MAST1: variants seen among roughly 807,000 people sequenced by gnomAD.
MAST1 encodes the protein microtubule associated serine/threonine kinase 1, also known as microtubule-associated serine/threonine-protein kinase 1.
A neutral mutation model predicts 124.6 loss-of-function variants in MAST1; 40 were observed. That is an observed-to-expected ratio of 0.32 (90% CI 0.25 to 0.42). MAST1 has a LOEUF of 0.42. Among genes scored for constraint, MAST1 ranks in the 10% least tolerant of loss-of-function variants. MAST1 has a pLI of 1.00. For missense variants in MAST1, 1,558 were observed against 2,181.9 expected (o/e 0.71, Z 5.70); for synonymous variants, 938 against 939.4 (o/e 1.00, Z 0.03).
Position 12,847,241 on chromosome 19 carries a change from G to A in MAST1, c.328-49G>A, listed in dbSNP as rs1733377108. 7 of 1,362,946 alleles carry A rather than the reference G, an allele frequency of 5.1e-6. No individual in the cohort carries two copies. Among genetic ancestry groups the A allele is most frequent in the Non-Finnish European group, 7.3e-6 (7 of 965,080 alleles). The allele number at this position is 1,362,946 out of a possible 1,614,324, so 84.4% of individuals were successfully genotyped here. A position where few individuals can be genotyped will look rare whatever the true frequency, so the allele number is the denominator to read the frequency against. On this transcript the variant is annotated intron_variant, in intron 4 of 25. Coordinates refer to ENST00000251472, the MANE Select transcript of MAST1 (RefSeq NM_014975.3). This position sits in a 1 kb window ranked among gnomAD's most constrained non-coding sequence, Gnocchi z 5.5. ...GAGTCCCAGCTCAGGGTCCTGAGCTGTTGGGGGGCCCATGGTGGCTCTGAC... is the reference window on the plus strand; with the variant it reads ...GAGTCCCAGCTCAGGGTCCTGAGCTATTGGGGGGCCCATGGTGGCTCTGAC...
At chr19:12,859,258 T>G (rs1210174416) in intron 12 of MAST1, among the ~76,000 whole-genome samples, 1 of 152,114 alleles carries the variant, frequency 6.6e-6, no homozygotes, top group Non-Finnish European at 1.5e-5. Flanking sequence ...TTTTCTATTT[T>G]TAGCAGAGAC....
rs773297761 is a variant in MAST1, at chr19:12,852,023, G to A, written c.864G>A (p.Leu288=). The A allele has an allele frequency of 6.2e-7, 1 of 1,614,076 alleles. No homozygotes were observed. Among genetic ancestry groups the A allele is most frequent in the South Asian group, 1.1e-5 (1 of 91,086 alleles). Reference sequence around the variant, plus strand: ...TTATCATCTCACGCCCTGCGAGGCTGCTGGAGTGCCTGGTGAGGGGGCTGG... The same window carrying A: ...TTATCATCTCACGCCCTGCGAGGCTACTGGAGTGCCTGGTGAGGGGGCTGG... ...LLIIISRPAR[L]LECLEFNPEE... Residue 288 remains leucine (L), a synonymous_variant, in exon 8 of 26, where the codon CTG becomes CTA. Transcript: ENST00000251472.
rs1970160481 is a variant in MAST1, at chr19:12,866,801, G to C, written c.2139+39G>C. ...GGGTGTGGGACAGGGCGAGACCCCAGGAGGGATGGGGCTTGGAGAGACAGT... is the reference window on the plus strand; with the variant it reads ...GGGTGTGGGACAGGGCGAGACCCCACGAGGGATGGGGCTTGGAGAGACAGT... On this transcript the variant is annotated intron_variant, in intron 18 of 25. Coordinates refer to ENST00000251472, the MANE Select transcript of MAST1 (RefSeq NM_014975.3). This position sits in a 1 kb window ranked among gnomAD's most constrained non-coding sequence, Gnocchi z 5.2. 1.3e-6 allele frequency: 2 copies of C among 1,513,338 alleles called. No individual in the cohort carries two copies. Among genetic ancestry groups the C allele is most frequent in the South Asian group, 2.3e-5 (2 of 86,948 alleles). The allele number at this position is 1,513,338 out of a possible 1,614,324, so 93.7% of individuals were successfully genotyped here.
rs113909001 is a variant in MAST1, at chr19:12,851,925, CT to C, written c.775-8del. 8.1e-6 allele frequency: 13 copies of C among 1,609,824 alleles called. No homozygotes were observed. Among genetic ancestry groups the C allele is most frequent in the African/African-American group, 1.3e-5 (1 of 74,998 alleles). Reference sequence around the variant, plus strand: ...TATGAGCCCTGTCCCTCTGTGTCCCCTGCCACAGGCCTATGAACGCTCTGAG... The same window carrying C: ...TATGAGCCCTGTCCCTCTGTGTCCCCGCCACAGGCCTATGAACGCTCTGAG... On this transcript the variant is annotated splice_region_variant and splice_polypyrimidine_tract_variant and intron_variant, in intron 7 of 25. Coordinates refer to ENST00000251472, the MANE Select transcript of MAST1 (RefSeq NM_014975.3).
intron 7 of MAST1, among the ~76,000 whole-genome samples, chr19:12,851,458 G>A (rs10407116): frequency 0.35 from 52,611 of 151,444 alleles, 9,856 homozygotes; most frequent in East Asian, 0.63. Flanking sequence ...ACAGGGTCTC[G>A]CTATGGTTTT....
Position 12,873,390 on chromosome 19 carries a change from G to A in MAST1, c.3330G>A (p.Ser1110=), listed in dbSNP as rs1466548670. The A allele has an allele frequency of 6.2e-6, 10 of 1,613,982 alleles. No individual in the cohort carries two copies. Among genetic ancestry groups the A allele is most frequent in the South Asian group, 1.1e-5 (1 of 91,092 alleles). The part of the protein sequence containing the change: ...KQSNLLHTSR[S]LSSLNRSLSS... Reference sequence around the variant, plus strand: ...CGAACCTGCTGCATACTAGCCGCTCGCTGTCGTCGCTGAACCGCTCGCTGT... The same window carrying A: ...CGAACCTGCTGCATACTAGCCGCTCACTGTCGTCGCTGAACCGCTCGCTGT... Residue 1110 remains serine (S), a synonymous_variant, in exon 25 of 26, where the codon TCG becomes TCA. Coordinates refer to ENST00000251472, the MANE Select transcript of MAST1 (RefSeq NM_014975.3).
In MAST1 at chr19:12,874,658, C is replaced by G. The variant is rs780237565; in HGVS notation, c.4501C>G (p.Pro1501Ala). ...CGGTCCTCGCTCCAAGCCCGCCTCC[C>G]CAAAGCTCTCCCCGGAGCCCCAGAC... ...LSGPRSKPAS[P>A]KLSPEPQTPS... is the part of the protein sequence containing the mutation. Residue 1501 changes from proline (P) to alanine (A), a missense_variant, in exon 26 of 26, where the codon CCA becomes GCA. This residue lies in a region of MAST1 where 168 missense variants were observed against 154.3 expected (regional missense o/e 1.09). Coordinates refer to ENST00000251472, the MANE Select transcript of MAST1 (RefSeq NM_014975.3). The surrounding 1 kb of genome is among the most constrained non-coding windows in gnomAD (Gnocchi z 6.6). 1 of 1,535,342 alleles carries G rather than the reference C, an allele frequency of 6.5e-7. No individual in the cohort carries two copies. Among genetic ancestry groups the G allele is most frequent in the Non-Finnish European group, 8.8e-7 (1 of 1,137,738 alleles).
At position 12,847,060 on chromosome 19, in the gene MAST1, A is replaced by T. The variant is rs1969902369; in HGVS notation, c.328-230A>T. 6.6e-6 allele frequency among the ~76,000 whole-genome samples: 1 copy of T among 152,076 alleles called. No individual in the cohort carries two copies. The highest frequency in any genetic ancestry group is 2.1e-4 in the South Asian group (1 of 4,824). Reference sequence around the variant, plus strand: ...CAAGGGTTCTGAACAGAGGAGGCTCATGACTTGACCCAAGCTTTAACAGAC... The same window carrying T: ...CAAGGGTTCTGAACAGAGGAGGCTCTTGACTTGACCCAAGCTTTAACAGAC... On this transcript the variant is annotated intron_variant, in intron 4 of 25. Coordinates refer to ENST00000251472, the MANE Select transcript of MAST1 (RefSeq NM_014975.3). The surrounding 1 kb of genome is among the most constrained non-coding windows in gnomAD (Gnocchi z 5.5).
chr19:12,851,924 C>T lies in MAST1; in HGVS notation c.775-10C>T. On this transcript the variant is annotated splice_polypyrimidine_tract_variant and intron_variant, in intron 7 of 25. Transcript: ENST00000251472. ...CTATGAGCCCTGTCCCTCTGTGTCC[C>T]CTGCCACAGGCCTATGAACGCTCTG... is the stretch of plus-strand genomic sequence containing the variant. 6.2e-7 allele frequency: 1 copy of T among 1,608,942 alleles called. No homozygotes were observed. The highest frequency in any genetic ancestry group is 1.1e-5 in the South Asian group (1 of 90,634).
At chr19:12,842,325 C>T (rs1317962586) in intron 3 of MAST1, among the ~76,000 whole-genome samples, 2 of 151,826 alleles carry the variant, frequency 1.3e-5, no homozygotes, top group South Asian at 2.1e-4. Context: ...CAGAGTCTCG[C>T]TCTGTTGCCC....
Position 12,865,793 on chromosome 19 carries a change from C to T in MAST1, c.1881C>T (p.Thr627=), listed in dbSNP as rs1308806226. The T allele has an allele frequency of 1.2e-6, 2 of 1,613,884 alleles. No individual in the cohort carries two copies. The highest frequency in any genetic ancestry group is 1.1e-5 in the South Asian group (1 of 91,074). Residue 627 remains threonine, a synonymous_variant, in exon 16 of 26, where the codon ACC becomes ACT. Coordinates refer to ENST00000251472, the MANE Select transcript of MAST1 (RefSeq NM_014975.3). The surrounding 1 kb of genome is among the most constrained non-coding windows in gnomAD (Gnocchi z 7.1). The part of the protein sequence containing the change: ...AQLLISSLLQ[T]NPLVRLGAGG... ...TCCTCATATCCAGCCTCCTGCAGAC[C>T]AACCCTCTGGTCAGGCTTGGGGCAG...
intron 10 of MAST1, among the ~76,000 whole-genome samples, chr19:12,853,428 C>T (rs567361604): frequency 6.6e-6 from 1 of 151,554 alleles, no homozygotes; most frequent in South Asian, 2.1e-4. Context: ...TGGTGGTGCA[C>T]CCCTGTAGTC....
At chr19:12,844,923 T>C (rs145134485) in intron 4 of MAST1, among the ~76,000 whole-genome samples, 1 of 152,068 alleles carries the variant, frequency 6.6e-6, no homozygotes, top group Non-Finnish European at 1.5e-5. Context: ...ATGTAGGCTA[T>C]AGATAATGCA....
At chr19:12,839,963 T>C (rs1969806082) in intron 1 of MAST1, among the ~76,000 whole-genome samples, 1 of 152,224 alleles carries the variant, frequency 6.6e-6, no homozygotes, top group African/African-American at 2.4e-5. Flanking sequence ...CACATTGTTA[T>C]GGACAAGTGG....
Position 12,873,451 on chromosome 19 carries a change from G to A in MAST1, c.3391G>A (p.Gly1131Arg). Residue 1131 changes from glycine to arginine, a missense_variant, in exon 25 of 26, where the codon GGG (glycine) becomes AGG (arginine). This residue lies in a region of MAST1 where 291 missense variants were observed against 475.8 expected (regional missense o/e 0.61). Coordinates refer to ENST00000251472, the MANE Select transcript of MAST1 (RefSeq NM_014975.3). ...SDSLPGSPTHGLPARSPTHSY... is the reference protein window; with the variant it reads ...SDSLPGSPTHRLPARSPTHSY... Reference sequence around the variant, plus strand: ...TAGTCTCCCGGGCTCGCCTACGCACGGGCTGCCGGCGCGCTCGCCCACGCA... The same window carrying A: ...TAGTCTCCCGGGCTCGCCTACGCACAGGCTGCCGGCGCGCTCGCCCACGCA... 6.2e-7 allele frequency: 1 copy of A among 1,611,664 alleles called. No homozygotes were observed. Among genetic ancestry groups the A allele is most frequent in the African/African-American group, 1.3e-5 (1 of 75,038 alleles).
chr19:12,858,717 C>T lies in MAST1; in HGVS notation c.1344C>T (p.Cys448=). Residue 448 remains cysteine, a synonymous_variant, in exon 12 of 26, where the codon TGC becomes TGT. Transcript: ENST00000251472. ...CCTTTGAGACTCGGCGCCACCTCTGCATGGTCATGGAATATGTGGAAGGTG... is the reference window on the plus strand; with the variant it reads ...CCTTTGAGACTCGGCGCCACCTCTGTATGGTCATGGAATATGTGGAAGGTG... ...FCSFETRRHL[C]MVMEYVEGGD... 2 of 1,614,196 alleles carry T rather than the reference C, an allele frequency of 1.2e-6. No homozygotes were observed. Among genetic ancestry groups the T allele is most frequent in the Non-Finnish European group, 1.7e-6 (2 of 1,180,040 alleles).
At chr19:12,860,293 T>C (rs763963999) in intron 12 of MAST1, among the ~76,000 whole-genome samples, 28 of 151,824 alleles carry the variant, frequency 1.8e-4, no homozygotes, top group Non-Finnish European at 3.4e-4. Context: ...TTTTTTTGTA[T>C]TTTTAGTAGA....
chr19:12,861,990 C>T (rs1006847972), intron 12 of MAST1, among the ~76,000 whole-genome samples: 2 of 146,844 alleles, frequency 1.4e-5, no homozygotes, highest in Non-Finnish European at 1.5e-5. Flanking sequence ...AGTGAGCCAC[C>T]GTGCCTGCCT....
chr19:12,868,320 G>A (rs1041815392), intron 20 of MAST1, among the ~76,000 whole-genome samples: 2 of 151,740 alleles, frequency 1.3e-5, no homozygotes, highest in African/African-American at 4.8e-5. Flanking sequence ...TGTTGGCAAG[G>A]CTGGTCTCGA....
Sources: gnomAD v4.1 joint callset for allele counts (sites outside exome capture counted in the v4.1 genomes callset) on GRCh38, gnomAD v4.1.1 for gene constraint, gnomAD v4.1.1 regional missense constraint, Gnocchi (gnomAD v3.1) non-coding constraint, MANE v1.5 for transcripts, NCBI Gene and HGNC (gene_info 2026-07-23, HGNC 2026-07-21) for gene names.